The following EYS variants were observed in gnomAD, a reference collection of about 807,000 sequenced individuals.
EYS encodes the protein protein eyes shut homolog.
A neutral mutation model predicts 282.1 loss-of-function variants in EYS; 250 were observed. The observed-to-expected ratio is 0.89, with a 90% confidence interval of 0.80 to 0.98. EYS has a LOEUF of 0.98. Ranked by LOEUF, EYS falls within the 50% of genes least tolerant of loss-of-function variation. The pLI is 0.00. For missense variants in EYS, 4,016 were observed against 3,709.0 expected (o/e 1.08, Z -2.15); for synonymous variants, 1,355 against 1,282.9 (o/e 1.06, Z -1.20).
At chr6:64,186,177 T>C (rs1033023231) in intron 31 of EYS, among the ~76,000 whole-genome samples, 20 of 152,162 alleles carry the variant, frequency 1.3e-4, no homozygotes, top group African/African-American at 4.8e-4. Flanking sequence ...CTAAGGTTTC[T>C]GATTTTGTAA....
chr6:64,660,648 G>A (rs184237941), intron 22 of EYS, among the ~76,000 whole-genome samples: 1 of 152,250 alleles, frequency 6.6e-6, no homozygotes, highest in East Asian at 1.9e-4. Flanking sequence ...TTGTTTCAAA[G>A]AGAATAAAAT....
chr6:64,373,817 C>T (rs970183073), intron 29 of EYS, among the ~76,000 whole-genome samples: 11 of 152,126 alleles, frequency 7.2e-5, no homozygotes, highest in Non-Finnish European at 1.3e-4. Context: ...GCTTTTCCCA[C>T]CTGGCTATCG....
At chr6:63,774,978 A>G (rs1770030125) in intron 40 of EYS, among the ~76,000 whole-genome samples, 1 of 150,446 alleles carries the variant, frequency 6.6e-6, no homozygotes, top group African/African-American at 2.4e-5. Flanking sequence ...TTTTTCACTT[A>G]AAAATTTTGT....
At chr6:63,826,226 A>G (rs1309465102) in intron 36 of EYS, among the ~76,000 whole-genome samples, 1 of 152,230 alleles carries the variant, frequency 6.6e-6, no homozygotes, top group East Asian at 1.9e-4. Context: ...AAAGCCTCCA[A>G]GAAGTCTGGG....
intron 5 of EYS, among the ~76,000 whole-genome samples, chr6:65,488,188 A>T (rs944856009): frequency 8.6e-5 from 13 of 151,512 alleles, no homozygotes; most frequent in African/African-American, 3.2e-4. Flanking sequence ...TTCTGCTCTG[A>T]TCTTAGTTAT....
At chr6:63,724,109 G>A (rs1404036975) in intron 42 of EYS, among the ~76,000 whole-genome samples, 1 of 152,006 alleles carries the variant, frequency 6.6e-6, no homozygotes, top group Non-Finnish European at 1.5e-5. Context: ...ACCTGGCCTT[G>A]GATTCGCATT....
At chr6:64,048,197 C>T (rs566426804) in intron 33 of EYS, among the ~76,000 whole-genome samples, 144 of 152,262 alleles carry the variant, frequency 9.5e-4, no homozygotes, top group Non-Finnish European at 1.7e-3. Context: ...TAAGCCACTG[C>T]GCACGGCCTT....
chr6:64,809,808 A>G (rs919381025), intron 22 of EYS, among the ~76,000 whole-genome samples: 8 of 152,032 alleles, frequency 5.3e-5, no homozygotes, highest in Non-Finnish European at 1.2e-4. Context: ...ACAACAGACA[A>G]TGGGGATCAC....
chr6:65,640,150 T>A (rs767117488), intron 1 of EYS, among the ~76,000 whole-genome samples: 1 of 152,182 alleles, frequency 6.6e-6, no homozygotes, highest in Admixed American at 6.5e-5. Flanking sequence ...CAAATAAAAG[T>A]AAGTGTAAGC....
intron 29 of EYS, among the ~76,000 whole-genome samples, chr6:64,343,463 T>C (rs1771221217): frequency 6.6e-6 from 1 of 152,034 alleles, no homozygotes; most frequent in Non-Finnish European, 1.5e-5. Flanking sequence ...GACTACTGGA[T>C]ACATAATGAA....
At chr6:65,239,427 T>A (rs1026546072) in intron 12 of EYS, among the ~76,000 whole-genome samples, 10 of 152,206 alleles carry the variant, frequency 6.6e-5, no homozygotes, top group African/African-American at 2.2e-4. Flanking sequence ...TATATAAAAA[T>A]TATCTGAAAG....
At chr6:65,224,893 C>T (rs1033314235) in intron 12 of EYS, among the ~76,000 whole-genome samples, 4 of 151,972 alleles carry the variant, frequency 2.6e-5, no homozygotes, top group Non-Finnish European at 2.9e-5. Flanking sequence ...TCCGGACTTA[C>T]CATAGGTAAA....
At chr6:63,834,381 A>T (rs1362428566) in intron 36 of EYS, among the ~76,000 whole-genome samples, 1 of 152,042 alleles carries the variant, frequency 6.6e-6, no homozygotes, top group Non-Finnish European at 1.5e-5. Flanking sequence ...CCCCATCAAA[A>T]AGTGGGTGAA....
chr6:64,097,644 C>T (rs1772676130), intron 31 of EYS, among the ~76,000 whole-genome samples: 1 of 152,108 alleles, frequency 6.6e-6, no homozygotes, highest in Admixed American at 6.5e-5. Flanking sequence ...TTCCAGGTGC[C>T]ATCTGTCACC....
chr6:63,845,766 T>C (rs1205197673), intron 36 of EYS, among the ~76,000 whole-genome samples: 1 of 152,210 alleles, frequency 6.6e-6, no homozygotes, highest in Non-Finnish European at 1.5e-5. Flanking sequence ...TGTTCTGATA[T>C]TCTCCTGTTC....
intron 26 of EYS, among the ~76,000 whole-genome samples, chr6:64,558,861 C>T (rs1241749454): frequency 6.6e-6 from 1 of 152,046 alleles, no homozygotes; most frequent in South Asian, 2.1e-4. Context: ...TTAACATGGC[C>T]TTGTTGCTAT....
Position 64,634,218 on chromosome 6 carries a change from G to A in EYS, c.3444-7973C>T, listed in dbSNP as rs12193512. On this transcript the variant is annotated intron_variant, in intron 22 of 42. Transcript: ENST00000503581. ...AGCATGATCTCGATCTCTTCACCTC[G>A]TGATCCGCCTGCCTTGGCCTCCCAA... Among the ~76,000 whole-genome samples, 264 of 152,272 alleles carry A rather than the reference G, an allele frequency of 1.7e-3. 3 individuals are homozygous for A. The highest frequency in any genetic ancestry group is 6.8e-3 in the South Asian group (33 of 4,826).
chr6:64,682,161 G>A (rs1030755685), intron 22 of EYS, among the ~76,000 whole-genome samples: 5 of 152,078 alleles, frequency 3.3e-5, no homozygotes, highest in African/African-American at 1.2e-4. Flanking sequence ...CAAGGAGATC[G>A]AGACCATCCT....
At chr6:65,583,935 C>T (rs753591200) in intron 2 of EYS, among the ~76,000 whole-genome samples, 6 of 150,730 alleles carry the variant, frequency 4.0e-5, no homozygotes, top group Non-Finnish European at 5.9e-5. Flanking sequence ...TATCTTATGA[C>T]CTAACATATC....
Sources: gnomAD v4.1 joint callset for allele counts (sites outside exome capture counted in the v4.1 genomes callset) on GRCh38, gnomAD v4.1.1 for gene constraint, MANE v1.5 for transcripts, NCBI Gene and HGNC (gene_info 2026-07-23, HGNC 2026-07-21) for gene names.